TTC7A: variants seen among roughly 807,000 people sequenced by gnomAD.
The protein encoded by TTC7A is tetratricopeptide repeat domain 7A, also known as tetratricopeptide repeat protein 7A.
A neutral mutation model predicts 103.7 loss-of-function variants in TTC7A; 110 were observed. The ratio of observed to expected loss-of-function variants is 1.06; its 90% CI spans 0.91 to 1.24. The LOEUF is 1.24. TTC7A is among the 50% of genes most tolerant of loss of function. TTC7A has a pLI of 0.00. For missense variants in TTC7A, 1,340 were observed against 1,116.3 expected, an observed-to-expected ratio of 1.20 and a Z score of -2.86; for synonymous variants, 521 against 467.9, an observed-to-expected ratio of 1.11 and a Z score of -1.47.
intron 8 of TTC7A, among the ~76,000 whole-genome samples, chr2:47,004,484 G>A (rs939054025): frequency 6.6e-6 from 1 of 152,198 alleles, no homozygotes; most frequent in Non-Finnish European, 1.5e-5. Context: ...GGATGGGGTA[G>A]CTCTGATGAG....
At chr2:46,944,584 A>G (rs1327795129) in intron 1 of TTC7A, among the ~76,000 whole-genome samples, 2 of 152,098 alleles carry the variant, frequency 1.3e-5, no homozygotes, top group African/African-American at 4.8e-5. Flanking sequence ...ATAGCTAGGC[A>G]TGGTGGCACA....
chr2:46,989,820 C>CTA (rs1553381268), intron 5 of TTC7A, among the ~76,000 whole-genome samples: 2 of 137,468 alleles, frequency 1.5e-5, no homozygotes. Context: ...GTGTGTGCAT[C>CTA]TGTGTGTGTG....
chr2:46,995,020 A>G (rs1052406694), intron 7 of TTC7A, 116 bp from the exon 8 acceptor site: 58 of 894,540 alleles, frequency 6.5e-5, no homozygotes, highest in Non-Finnish European at 9.8e-5. Flanking sequence ...TTATGCAGGA[A>G]GAGGTCACCT....
intron 11 of TTC7A, among the ~76,000 whole-genome samples, chr2:47,014,230 C>T (rs558199680): frequency 6.6e-6 from 1 of 152,298 alleles, no homozygotes; most frequent in East Asian, 1.9e-4. Flanking sequence ...CCCCCTCTCC[C>T]CCACAGGAAG....
chr2:47,033,982 C>T (rs529302720), intron 15 of TTC7A, among the ~76,000 whole-genome samples: 7 of 152,334 alleles, frequency 4.6e-5, no homozygotes, highest in African/African-American at 1.4e-4. Context: ...GGAGAAAACC[C>T]GGCTTTCGTG....
chr2:47,047,751 A>T (rs923387515), intron 16 of TTC7A, among the ~76,000 whole-genome samples: 1 of 152,194 alleles, frequency 6.6e-6, no homozygotes, highest in East Asian at 1.9e-4. Flanking sequence ...GACCTGGCCT[A>T]TGCCTCCCTT....
chr2:46,958,055 G>C (rs1014214922), intron 3 of TTC7A, among the ~76,000 whole-genome samples: 5 of 152,186 alleles, frequency 3.3e-5, no homozygotes, highest in Non-Finnish European at 5.9e-5. Context: ...TCTGGCCTTG[G>C]AGTGTGAGTC....
intron 19 of TTC7A, among the ~76,000 whole-genome samples, chr2:47,071,709 G>A (rs1684739266): frequency 6.6e-6 from 1 of 152,120 alleles, no homozygotes. Context: ...ACACACACAG[G>A]AAGTTACTGC....
intron 10 of TTC7A, among the ~76,000 whole-genome samples, chr2:47,008,090 G>A (rs1677621143): frequency 6.6e-6 from 1 of 152,218 alleles, no homozygotes; most frequent in African/African-American, 2.4e-5. Flanking sequence ...CCGGGAGGAG[G>A]TGGGGCTGGA....
At chr2:46,998,536 T>G (rs763332840) in intron 8 of TTC7A, among the ~76,000 whole-genome samples, 1 of 152,210 alleles carries the variant, frequency 6.6e-6, no homozygotes, top group Admixed American at 6.5e-5. Flanking sequence ...CGCTTTGATG[T>G]TGGCTGGGTT....
intron 2 of TTC7A, among the ~76,000 whole-genome samples, chr2:46,929,075 A>C (rs550175608): frequency 6.6e-6 from 1 of 152,206 alleles, no homozygotes; most frequent in African/African-American, 2.4e-5. Context: ...AGGTGGGAGA[A>C]TCGCTTGAAC....
intron 2 of TTC7A, among the ~76,000 whole-genome samples, chr2:46,932,546 A>G (rs1173266875): frequency 6.6e-6 from 1 of 152,196 alleles, no homozygotes; most frequent in Non-Finnish European, 1.5e-5. Flanking sequence ...TACACAACAA[A>G]AAATGTTTTT....
intron 5 of TTC7A, among the ~76,000 whole-genome samples, chr2:46,983,868 C>G (rs1046003564): frequency 6.6e-6 from 1 of 152,176 alleles, no homozygotes; most frequent in African/African-American, 2.4e-5. Context: ...TCCCAAGGAC[C>G]TGTATAGGCA....
Position 46,919,961 on chromosome 2 carries a change from A to G in TTC7A, c.82+2684A>G, listed in dbSNP as rs568417549. 3.3e-5 allele frequency among the ~76,000 whole-genome samples: 5 copies of G among 152,268 alleles called. No individual in the cohort carries two copies. The South Asian group carries it at 1.0e-3, about 32-fold the overall frequency. On this transcript the variant is annotated intron_variant, in intron 2 of 20. Transcript: ENST00000409245. The stretch of plus-strand genomic sequence containing the variant: ...TCTCTCTCCCTTATTCATATTTCTG[A>G]TAAGGGTGAACTGTGGTGTTAAAAG...
At chr2:46,934,649 G>T (rs551464381) in intron 2 of TTC7A, among the ~76,000 whole-genome samples, 6 of 152,062 alleles carry the variant, frequency 3.9e-5, no homozygotes, top group African/African-American at 1.4e-4. Flanking sequence ...CTCATAGGTT[G>T]CAGTAAGCCT....
Position 46,941,440 on chromosome 2 carries a change from G to A in TTC7A, c.-102G>A. ...CGCCCGGGCCCCGGCTGCCGTCTGC[G>A]CCCCCGTCGACCCCGCCCGCGAGTG... On this transcript the variant is annotated 5_prime_UTR_variant, in exon 1 of 20. Coordinates refer to ENST00000319190, the MANE Select transcript of TTC7A (RefSeq NM_020458.4). The surrounding 1 kb of genome is among the most constrained non-coding windows in gnomAD (Gnocchi z 4.2). 1 of 1,275,614 alleles carries A rather than the reference G, an allele frequency of 7.8e-7. No individual in the cohort carries two copies. Among genetic ancestry groups the A allele is most frequent in the South Asian group, 2.2e-5 (1 of 44,992 alleles). 79.0% of individuals were successfully genotyped at this position (1,275,614 alleles called of 1,614,324 possible). A position where few individuals can be genotyped will look rare whatever the true frequency, so the allele number is the denominator to read the frequency against.
chr2:46,960,878 C>G (rs1384321296), intron 3 of TTC7A, among the ~76,000 whole-genome samples: 3 of 152,362 alleles, frequency 2.0e-5, no homozygotes, highest in East Asian at 3.9e-4. Context: ...GGACTTTCTC[C>G]TCTCTGGGCC....
At chr2:46,985,864 A>G (rs1674957767) in intron 5 of TTC7A, among the ~76,000 whole-genome samples, 2 of 152,194 alleles carry the variant, frequency 1.3e-5, no homozygotes, top group African/African-American at 2.4e-5. Context: ...ATATAAAGAT[A>G]CCTTAGCCCA....
At chr2:47,019,497 C>T (rs574784048) in intron 11 of TTC7A, among the ~76,000 whole-genome samples, 12 of 152,138 alleles carry the variant, frequency 7.9e-5, no homozygotes, top group African/African-American at 2.9e-4. Flanking sequence ...CGGTTTTAAA[C>T]TACGTGGACA....
Sources: allele counts gnomAD v4.1 joint callset (sites outside exome capture counted in the v4.1 genomes callset), GRCh38; gene constraint gnomAD v4.1.1; non-coding constraint Gnocchi (gnomAD v3.1); transcripts MANE v1.5; gene names NCBI Gene and HGNC (gene_info 2026-07-23, HGNC 2026-07-21).